BCAS4: variants seen among roughly 807,000 people sequenced by gnomAD.
The protein encoded by BCAS4 is breast carcinoma amplified sequence 4.
A neutral mutation model predicts 15.7 loss-of-function variants in BCAS4; 9 were observed. That is an observed-to-expected ratio of 0.57 (90% CI 0.34 to 1.00). The LOEUF (loss-of-function observed/expected upper bound fraction) is 1.00, where lower values mean the gene tolerates loss of function less well. BCAS4 is among the 50% of genes least tolerant of loss of function. The pLI is 0.02. For synonymous variants in BCAS4, 101 were observed against 99.5 expected (o/e 1.02, Z -0.09); for missense variants, 225 against 239.1 (o/e 0.94, Z 0.39).
intron 1 of BCAS4, among the ~76,000 whole-genome samples, chr20:50,816,728 C>T (rs2088141591): frequency 6.6e-6 from 1 of 150,810 alleles, no homozygotes; most frequent in Non-Finnish European, 1.5e-5. Context: ...GCGATCACTG[C>T]TTACTGCAGC....
intron 1 of BCAS4, among the ~76,000 whole-genome samples, chr20:50,800,560 T>C (rs796246367): frequency 2.3e-4 from 13 of 56,088 alleles, no homozygotes; most frequent in African/African-American, 1.3e-3. Flanking sequence ...TGAACATCCC[T>C]TTTTTTTTTT....
chr20:50,872,470 C>T (rs1014658806), intron 4 of BCAS4, among the ~76,000 whole-genome samples: 1 of 151,134 alleles, frequency 6.6e-6, no homozygotes, highest in Non-Finnish European at 1.5e-5. Flanking sequence ...ACTCTGGAGG[C>T]TGAGGCAGGA....
At chr20:50,845,045 A>G (rs1238014049) in intron 4 of BCAS4, among the ~76,000 whole-genome samples, 3 of 152,130 alleles carry the variant, frequency 2.0e-5, no homozygotes, top group Non-Finnish European at 4.4e-5. Flanking sequence ...CCCTTGCAGA[A>G]TGATGATCAT....
Position 50,876,869 on chromosome 20 carries a change from T to C in BCAS4, c.*261T>C, listed in dbSNP as rs900625280. 2 of 291,032 alleles carry C rather than the reference T, an allele frequency of 6.9e-6. No individual in the cohort carries two copies. The highest frequency in any genetic ancestry group is 1.2e-5 in the Non-Finnish European group (2 of 160,678). The allele number at this position is 291,032 out of a possible 1,614,324, so 18.0% of individuals were successfully genotyped here. A position where few individuals can be genotyped will look rare whatever the true frequency, so the allele number is the denominator to read the frequency against. ...TGCTGCCATTTTCAAATTTCCTCCC[T>C]GCCTCATGTGAGACCACAGGGTTTG... On this transcript the variant is annotated 3_prime_UTR_variant, in exon 5 of 5. Transcript: ENST00000371608.
chr20:50,806,940 T>C (rs2087997830), intron 1 of BCAS4, among the ~76,000 whole-genome samples: 2 of 146,438 alleles, frequency 1.4e-5, no homozygotes, highest in Non-Finnish European at 3.0e-5. Flanking sequence ...GGCAAGATCT[T>C]GGGTCACTGC....
chr20:50,796,912 C>T (rs185916209), intron 1 of BCAS4, among the ~76,000 whole-genome samples: 8 of 151,832 alleles, frequency 5.3e-5, no homozygotes, highest in Admixed American at 2.6e-4. Flanking sequence ...CTCAATGTAG[C>T]CTCAACCTCC....
chr20:50,822,202 C>T (rs1464098966), intron 2 of BCAS4, among the ~76,000 whole-genome samples: 2 of 152,042 alleles, frequency 1.3e-5, no homozygotes, highest in Admixed American at 1.3e-4. Context: ...CGTGGGCTTC[C>T]TCGTAGCATG....
intron 1 of BCAS4, among the ~76,000 whole-genome samples, chr20:50,815,806 T>A (rs941388551): frequency 6.6e-6 from 1 of 151,558 alleles, no homozygotes; most frequent in Non-Finnish European, 1.5e-5. Flanking sequence ...GACAAGTGGG[T>A]GGTGAGGGAG....
chr20:50,831,026 G>A (rs146628304), intron 3 of BCAS4, among the ~76,000 whole-genome samples: 3 of 152,298 alleles, frequency 2.0e-5, no homozygotes, highest in African/African-American at 7.2e-5. Flanking sequence ...ACACGCCTAA[G>A]TATGTAATTT....
intron 1 of BCAS4, among the ~76,000 whole-genome samples, chr20:50,800,002 C>T (rs1443684910): frequency 1.3e-5 from 2 of 152,088 alleles, no homozygotes; most frequent in Non-Finnish European, 2.9e-5. Context: ...GAGCTGAGAT[C>T]GCATCACTGC....
At chr20:50,867,963 T>C (rs924000210) in intron 4 of BCAS4, among the ~76,000 whole-genome samples, 2 of 151,858 alleles carry the variant, frequency 1.3e-5, no homozygotes, top group Non-Finnish European at 2.9e-5. Flanking sequence ...ATTACAGGCA[T>C]GAGCCACCAC....
At chr20:50,861,898 G>C (rs6126109) in intron 4 of BCAS4, among the ~76,000 whole-genome samples, 1 of 120,462 alleles carries the variant, frequency 8.3e-6, no homozygotes, top group Non-Finnish European at 1.6e-5. Context: ...CTGTTGCCCA[G>C]ACTGGAGTGG....
At chr20:50,852,372 G>A (rs1195279111) in intron 4 of BCAS4, among the ~76,000 whole-genome samples, 2 of 151,876 alleles carry the variant, frequency 1.3e-5, no homozygotes, top group African/African-American at 2.4e-5. Context: ...GGCTTTGTGT[G>A]TGTGTGTGTG....
chr20:50,841,665 A>C, intron 3 of BCAS4, 101 bp from the exon 4 acceptor site: 1 of 1,516,714 alleles, frequency 6.6e-7, no homozygotes, highest in East Asian at 2.3e-5. Flanking sequence ...GGCTGGTCGC[A>C]GTGATGAAAG....
At chr20:50,816,108 C>T (rs748866931) in intron 1 of BCAS4, among the ~76,000 whole-genome samples, 5 of 138,498 alleles carry the variant, frequency 3.6e-5, no homozygotes, top group Admixed American at 7.6e-5. Flanking sequence ...TCACCGCAAC[C>T]TCCTCCTTCT....
intron 4 of BCAS4, among the ~76,000 whole-genome samples, chr20:50,869,728 C>A (rs1010642696): frequency 2.9e-4 from 42 of 145,494 alleles, no homozygotes; most frequent in African/African-American, 1.0e-3. Context: ...GGGATCAAAT[C>A]TGGCCTGGCA....
chr20:50,826,187 T>G (rs909140503), intron 2 of BCAS4, among the ~76,000 whole-genome samples: 1 of 152,348 alleles, frequency 6.6e-6, no homozygotes, highest in African/African-American at 2.4e-5. Context: ...AAGTTTAGCC[T>G]TGTTGAGGAA....
chr20:50,796,452 C>CATAT (rs1245993218), intron 1 of BCAS4, among the ~76,000 whole-genome samples: 769 of 21,118 alleles, frequency 0.036, 62 homozygotes, highest in Middle Eastern at 0.1. Context: ...TCTTTTTCTC[C>CATAT]ATATATATAT....
At chr20:50,813,432 C>T (rs144144895) in intron 1 of BCAS4, among the ~76,000 whole-genome samples, 3 of 152,296 alleles carry the variant, frequency 2.0e-5, no homozygotes, top group Non-Finnish European at 4.4e-5. Context: ...CAGGCTACTG[C>T]AAGAGTCCTA....
Sources: allele counts gnomAD v4.1 joint callset (sites outside exome capture counted in the v4.1 genomes callset), GRCh38; gene constraint gnomAD v4.1.1; transcripts MANE v1.5; gene names NCBI Gene and HGNC (gene_info 2026-07-23, HGNC 2026-07-21).